The following EHHADH variants were observed in gnomAD, a reference collection of about 807,000 sequenced individuals.
EHHADH encodes enoyl-CoA hydratase and 3-hydroxyacyl CoA dehydrogenase, also known as peroxisomal bifunctional enzyme.
A neutral mutation model predicts 64.4 loss-of-function variants in EHHADH; 48 were observed. That is an observed-to-expected ratio of 0.75 (90% CI 0.59 to 0.95). EHHADH has a LOEUF of 0.95. EHHADH is among the 40% of genes least tolerant of loss of function. The probability of loss-of-function intolerance (pLI) is 0.00; values close to 1 mark genes in which losing one functional copy is unlikely to be tolerated. For missense variants in EHHADH, 854 were observed against 876.6 expected (o/e 0.97, Z 0.33); for synonymous variants, 308 against 326.7 (o/e 0.94, Z 0.62).
rs1192542830 is a variant in EHHADH, at chr3:185,253,956, C to T, written c.67G>A (p.Ala23Thr). The T allele has an allele frequency of 5.6e-6, 9 of 1,614,096 alleles. No individual in the cohort carries two copies. The East Asian group carries it at 2.0e-4, about 36-fold the overall frequency. ...GGCGACCGAGCCCGTTACCTGATCG[C>T]GTTGACCGGCGGGTTTCGGAGGCGG... ...LIRLRNPPVN[A>T]ISTTLLRDIK... Residue 23 changes from alanine (A) to threonine (T), a missense_variant, in exon 1 of 7, where the codon GCG becomes ACG. Transcript: ENST00000231887.
At chr3:185,247,431 A>T (rs1719624429) in intron 2 of EHHADH, among the ~76,000 whole-genome samples, 1 of 152,142 alleles carries the variant, frequency 6.6e-6, no homozygotes, top group South Asian at 2.1e-4. Context: ...TAACTGGTTA[A>T]GGTTTGGGAC....
intron 5 of EHHADH, among the ~76,000 whole-genome samples, chr3:185,213,580 C>T (rs2108634983): frequency 6.6e-6 from 1 of 152,226 alleles, no homozygotes; most frequent in Admixed American, 6.5e-5. Context: ...ACACTAACCA[C>T]TGTATTTAAA....
chr3:185,196,831 G>A (rs771937277), intron 6 of EHHADH, among the ~76,000 whole-genome samples: 18 of 152,050 alleles, frequency 1.2e-4, no homozygotes, highest in Admixed American at 1.0e-3. Context: ...GCAAAATCCT[G>A]TTTCTACCAG....
chr3:185,236,292 T>C (rs1396530122), intron 2 of EHHADH, among the ~76,000 whole-genome samples: 1 of 152,076 alleles, frequency 6.6e-6, no homozygotes, highest in Non-Finnish European at 1.5e-5. Context: ...GGGATCTAGG[T>C]TGCGCTCTCC....
intron 2 of EHHADH, among the ~76,000 whole-genome samples, chr3:185,243,381 G>A (rs558093724): frequency 3.5e-4 from 54 of 152,180 alleles, no homozygotes; most frequent in South Asian, 3.5e-3. Context: ...TCTGTGTCCC[G>A]TCCACCATGA....
chr3:185,222,455 T>C (rs983529072), intron 4 of EHHADH, among the ~76,000 whole-genome samples: 4 of 152,326 alleles, frequency 2.6e-5, no homozygotes, highest in East Asian at 1.9e-4. Context: ...CATTTTAAAA[T>C]AATAAACTCA....
In EHHADH at chr3:185,192,643, T is replaced by C; in HGVS notation, c.1755A>G (p.Pro585=). Residue 585 remains proline (P), a synonymous_variant, in exon 7 of 7, where the codon CCA becomes CCG. Coordinates refer to ENST00000231887, the MANE Select transcript of EHHADH (RefSeq NM_001966.4). The part of the protein sequence containing the change: ...TGKGWYQYDK[P]LGRIHKPDPW... ...GATCAGGTTTGTGAATCCTACCCAA[T>C]GGCTTGTCATATTGATACCAACCCT... The C allele has an allele frequency of 6.2e-7, 1 of 1,614,196 alleles. No individual in the cohort carries two copies. The highest frequency in any genetic ancestry group is 1.6e-4 in the Middle Eastern group (1 of 6,062).
intron 2 of EHHADH, among the ~76,000 whole-genome samples, chr3:185,236,020 C>T (rs1719282295): frequency 6.6e-6 from 1 of 151,890 alleles, no homozygotes; most frequent in South Asian, 2.1e-4. Flanking sequence ...TTTTTATCTT[C>T]AATAAAAATA....
chr3:185,253,711 T>A (rs1577381653), intron 1 of EHHADH: 1 of 929,014 alleles, frequency 1.1e-6, no homozygotes, highest in Middle Eastern at 3.8e-4. Flanking sequence ...TCCTTATCAG[T>A]AAAACGGGGA....
intron 6 of EHHADH, among the ~76,000 whole-genome samples, chr3:185,194,424 C>A (rs932380611): frequency 6.6e-6 from 1 of 152,046 alleles, no homozygotes; most frequent in Admixed American, 6.5e-5. Context: ...ACCAGCCTGA[C>A]CAACATGGAG....
Position 185,198,672 on chromosome 3 carries a change from A to G in EHHADH, c.911-5185T>C, listed in dbSNP as rs542688514. ...GAGACCAGCCTGGCCAACATGGCAA[A>G]ACCCCATCTCTACTAAAAGTACAAA... is the stretch of plus-strand genomic sequence containing the variant. On this transcript the variant is annotated intron_variant, in intron 6 of 6. Transcript: ENST00000231887. 7.2e-5 allele frequency among the ~76,000 whole-genome samples: 11 copies of G among 152,064 alleles called. No individual in the cohort carries two copies. In the East Asian group the frequency reaches 2.2e-3, roughly 30 times the overall value.
At chr3:185,194,642 CAACAAA>C (rs1362741248) in intron 6 of EHHADH, among the ~76,000 whole-genome samples, 2 of 146,872 alleles carry the variant, frequency 1.4e-5, no homozygotes, top group African/African-American at 5.2e-5. Context: ...ACAACAACAA[CAACAAA>C]AATTAGCCAG....
chr3:185,199,716 T>TTGTCTATG (rs1718171953), intron 6 of EHHADH, among the ~76,000 whole-genome samples: 5 of 152,242 alleles, frequency 3.3e-5, no homozygotes, highest in Admixed American at 3.3e-4. Context: ...TGTTTCCATA[T>TTGTCTATG]TGTCTATGGC....
intron 2 of EHHADH, 39 bp from the exon 3 acceptor site, chr3:185,235,501 A>G: frequency 6.5e-7 from 1 of 1,536,526 alleles, no homozygotes; most frequent in Non-Finnish European, 8.8e-7. Flanking sequence ...GAGTTGAGAA[A>G]TACATGGGCA....
At chr3:185,218,833 G>T (rs1718762855) in intron 4 of EHHADH, among the ~76,000 whole-genome samples, 1 of 151,990 alleles carries the variant, frequency 6.6e-6, no homozygotes, top group African/African-American at 2.4e-5. Flanking sequence ...GACCAGCCTG[G>T]CCAACATGGT....
Position 185,192,985 on chromosome 3 carries a change from G to A in EHHADH, c.1413C>T (p.Val471=), listed in dbSNP as rs537479214. 1.9e-5 allele frequency: 31 copies of A among 1,614,136 alleles called. No homozygotes were observed. The highest frequency in any genetic ancestry group is 4.5e-5 in the East Asian group (2 of 44,886). The change falls in exon 7 of 7, where the codon GTC becomes GTT. Residue 471 remains valine, a synonymous_variant. Transcript: ENST00000231887. ...NLSKKIKKIG[V]VVGNCFGFVG... is the part of the protein sequence containing the mutation. ...CAAATCCAAAACAGTTGCCTACAAC[G>A]ACTCCAATCTTTTTAATCTTTTTTG... is the stretch of plus-strand genomic sequence containing the variant.
At chr3:185,218,008 G>C in intron 5 of EHHADH, 128 bp downstream of exon 5, 1 of 489,504 alleles carries the variant, frequency 2.0e-6, no homozygotes, top group Admixed American at 3.3e-5. Context: ...CTCGTGATCC[G>C]CCCACCTCGG....
rs564702924 is a variant in EHHADH at position 185,195,903 on chromosome 3, C to T, written c.911-2416G>A. ...TACATACACCCATGTAACAAACCTGCACACGTACCCCCTGAATCTAAAATA... is the reference window on the plus strand; with the variant it reads ...TACATACACCCATGTAACAAACCTGTACACGTACCCCCTGAATCTAAAATA... On this transcript the variant is annotated intron_variant, in intron 6 of 6. Coordinates refer to ENST00000231887, the MANE Select transcript of EHHADH (RefSeq NM_001966.4). Among the ~76,000 whole-genome samples, 4 of 152,292 alleles carry T rather than the reference C, an allele frequency of 2.6e-5. No homozygotes were observed. The South Asian group carries it at 8.3e-4, about 32-fold the overall frequency.
chr3:185,221,151 G>A lies in EHHADH; in HGVS notation c.464-2911C>T, dbSNP rs549784213. Among the ~76,000 whole-genome samples, 4 of 152,212 alleles carry A rather than the reference G, an allele frequency of 2.6e-5. No homozygotes were observed. In the South Asian group the frequency reaches 8.3e-4, roughly 32 times the overall value. Reference sequence around the variant, plus strand: ...TTTCTTCCAATAATCTTGGTTTCAGGCAATACTGCAAATAGGGCAACAAAA... The same window carrying A: ...TTTCTTCCAATAATCTTGGTTTCAGACAATACTGCAAATAGGGCAACAAAA... On this transcript the variant is annotated intron_variant, in intron 4 of 6. Coordinates refer to ENST00000231887, the MANE Select transcript of EHHADH (RefSeq NM_001966.4).
Sources: allele counts gnomAD v4.1 joint callset (sites outside exome capture counted in the v4.1 genomes callset), GRCh38; gene constraint gnomAD v4.1.1; transcripts MANE v1.5; gene names NCBI Gene and HGNC (gene_info 2026-07-23, HGNC 2026-07-21).